The following SMAP1 variants were observed in gnomAD, a reference collection of about 807,000 sequenced individuals.
SMAP1 encodes stromal membrane-associated protein 1.
In SMAP1, 24 loss-of-function variants were observed where a neutral mutation model predicts 58.5. That is an observed-to-expected ratio of 0.41 (90% CI 0.30 to 0.58). SMAP1 has a LOEUF of 0.58. Among genes scored for constraint, SMAP1 ranks in the 20% least tolerant of loss-of-function variants. The pLI is 0.29. For synonymous variants in SMAP1, 216 were observed against 196.6 expected (o/e 1.10, Z -0.82); for missense variants, 563 against 566.3 (o/e 0.99, Z 0.06).
intron 2 of SMAP1, among the ~76,000 whole-genome samples, chr6:70,746,892 A>T (rs1010254704): frequency 6.6e-6 from 1 of 152,164 alleles, no homozygotes; most frequent in African/African-American, 2.4e-5. Flanking sequence ...ATTTAGGTAG[A>T]ACTGAGAGAG....
chr6:70,762,256 G>C (rs2149897956), intron 3 of SMAP1, among the ~76,000 whole-genome samples: 1 of 152,174 alleles, frequency 6.6e-6, no homozygotes, highest in Middle Eastern at 3.4e-3. Context: ...GCCTGTTTTT[G>C]TAAATAAGGT....
chr6:70,725,091 GTGTT>G (rs1562116513), intron 1 of SMAP1, among the ~76,000 whole-genome samples: 12 of 80,538 alleles, frequency 1.5e-4, no homozygotes, highest in Non-Finnish European at 2.7e-4. Flanking sequence ...AAATTAACCA[GTGTT>G]TTTTTTTTTT....
rs68188898 is a variant in SMAP1 at position 70,858,287 on chromosome 6, CTTTTTTTTTTTTT to C, written c.1269+74_1269+86del. On this transcript the variant is annotated intron_variant, in intron 10 of 10. Coordinates refer to ENST00000370455, the MANE Select transcript of SMAP1 (RefSeq NM_001044305.3). Reference sequence around the variant, plus strand: ...ATCAAACCAGATTTATTTTCTAAATCTTTTTTTTTTTTTTTTTTTTTTTTTTTTAAGTCTAGTG... The same window carrying C: ...ATCAAACCAGATTTATTTTCTAAATCTTTTTTTTTTTTTTTAAGTCTAGTG... 6.1e-4 allele frequency: 176 copies of C among 290,692 alleles called. 1 individual carries two copies. Among genetic ancestry groups the C allele is most frequent in the Middle Eastern group, 1.3e-3 (1 of 770 alleles). 18.0% of individuals were successfully genotyped at this position (290,692 alleles called of 1,614,324 possible). A position where few individuals can be genotyped will look rare whatever the true frequency, so the allele number is the denominator to read the frequency against.
chr6:70,720,937 C>T (rs1768497761), intron 1 of SMAP1, among the ~76,000 whole-genome samples: 1 of 152,054 alleles, frequency 6.6e-6, no homozygotes. Flanking sequence ...CCCATGGTCA[C>T]GGGGATTAAT....
chr6:70,742,513 A>G (rs1292186717), intron 2 of SMAP1, among the ~76,000 whole-genome samples: 1 of 152,204 alleles, frequency 6.6e-6, no homozygotes, highest in East Asian at 1.9e-4. Flanking sequence ...CCATATCATT[A>G]TCAGCATTTT....
intron 1 of SMAP1, among the ~76,000 whole-genome samples, chr6:70,688,746 C>T (rs1370935221): frequency 6.6e-6 from 1 of 152,200 alleles, no homozygotes; most frequent in African/African-American, 2.4e-5. Context: ...TTTACATCCT[C>T]TTCACATGGT....
chr6:70,767,106 A>G (rs1035723650), intron 3 of SMAP1, among the ~76,000 whole-genome samples: 1 of 152,084 alleles, frequency 6.6e-6, no homozygotes, highest in African/African-American at 2.4e-5. Context: ...ATTGATCTTT[A>G]TCTCTGTTTT....
At chr6:70,783,787 A>C (rs1408312352) in intron 4 of SMAP1, among the ~76,000 whole-genome samples, 1 of 152,226 alleles carries the variant, frequency 6.6e-6, no homozygotes, top group Non-Finnish European at 1.5e-5. Flanking sequence ...AGTCTCCAAG[A>C]AATATGGGAC....
At chr6:70,680,521 A>G (rs553369101) in intron 1 of SMAP1, among the ~76,000 whole-genome samples, 32 of 152,184 alleles carry the variant, frequency 2.1e-4, no homozygotes, top group Non-Finnish European at 4.0e-4. Context: ...CATAATAGCC[A>G]AACACTGGAA....
At chr6:70,831,484 G>A (rs1410055996) in intron 6 of SMAP1, among the ~76,000 whole-genome samples, 3 of 152,058 alleles carry the variant, frequency 2.0e-5, no homozygotes, top group Non-Finnish European at 4.4e-5. Context: ...TATTCTCAGT[G>A]TTTAGCTCCC....
At chr6:70,853,200 CTTTT>C (rs927473326) in intron 8 of SMAP1, among the ~76,000 whole-genome samples, 1 of 145,358 alleles carries the variant, frequency 6.9e-6, no homozygotes, top group African/African-American at 2.5e-5. Context: ...ATCTACCTTG[CTTTT>C]TTTTTTAAGT....
intron 4 of SMAP1, among the ~76,000 whole-genome samples, chr6:70,774,848 A>C (rs1299849119): frequency 6.6e-6 from 1 of 152,028 alleles, no homozygotes; most frequent in African/African-American, 2.4e-5. Context: ...CCCCGTCTCT[A>C]CTAAAAATAC....
chr6:70,831,215 A>G (rs1408134952), intron 6 of SMAP1, among the ~76,000 whole-genome samples: 1 of 152,098 alleles, frequency 6.6e-6, no homozygotes, highest in Non-Finnish European at 1.5e-5. Flanking sequence ...TAGGCATCCT[A>G]GCAGTGGTCA....
rs199670250 is a variant in SMAP1 at position 70,860,341 on chromosome 6, C to T, written c.*7C>T. On this transcript the variant is annotated 3_prime_UTR_variant, in exon 11 of 11. Coordinates refer to ENST00000370455, the MANE Select transcript of SMAP1 (RefSeq NM_001044305.3). Reference sequence around the variant, plus strand: ...CACACAACTGTGGAAATGAAAACTGCAATACAAGTTTCATCCAGAACTACC... The same window carrying T: ...CACACAACTGTGGAAATGAAAACTGTAATACAAGTTTCATCCAGAACTACC... The T allele has an allele frequency of 6.2e-7, 1 of 1,603,326 alleles. No homozygotes were observed. The highest frequency in any genetic ancestry group is 1.1e-5 in the South Asian group (1 of 88,746).
rs190177999 is a variant in SMAP1, at chr6:70,738,097, A to T, written c.252+5586A>T. On this transcript the variant is annotated intron_variant, in intron 2 of 10. Coordinates refer to ENST00000370455, the MANE Select transcript of SMAP1 (RefSeq NM_001044305.3). ...GTAAAGAGGCGGGACAACCACCTGG[A>T]ATCGTGTGGCTGGGATTTAAGCATT... Among the ~76,000 whole-genome samples the T allele has an allele frequency of 2.9e-4, 44 of 152,298 alleles. No individual in the cohort carries two copies. The East Asian group carries it at 7.5e-3, about 26-fold the overall frequency.
Position 70,860,761 on chromosome 6 carries a change from A to C in SMAP1, c.*427A>C, listed in dbSNP as rs1055787769. 1.3e-5 allele frequency: 5 copies of C among 399,774 alleles called. No individual in the cohort carries two copies. Among genetic ancestry groups the C allele is most frequent in the African/African-American group, 4.1e-5 (2 of 48,608 alleles). The allele number at this position is 399,774 out of a possible 1,614,324, so 24.8% of individuals were successfully genotyped here. On this transcript the variant is annotated 3_prime_UTR_variant, in exon 11 of 11. Transcript: ENST00000370455. Reference sequence around the variant, plus strand: ...TATGATCAAATGTTTAATCATATAAATAGAATGTAAATGTCTCACTGAGCA... The same window carrying C: ...TATGATCAAATGTTTAATCATATAACTAGAATGTAAATGTCTCACTGAGCA...
intron 6 of SMAP1, among the ~76,000 whole-genome samples, chr6:70,810,748 A>G (rs1021465525): frequency 6.6e-6 from 1 of 152,032 alleles, no homozygotes; most frequent in Non-Finnish European, 1.5e-5. Flanking sequence ...CTAATTTTTT[A>G]AAAAGTTTCT....
chr6:70,773,522 T>A, intron 4 of SMAP1, 97 bp downstream of exon 4: 1 of 656,980 alleles, frequency 1.5e-6, no homozygotes, highest in Non-Finnish European at 2.5e-6. Context: ...GAAAACATAC[T>A]AGTTGTATAT....
At chr6:70,830,822 G>T (rs1304703551) in intron 6 of SMAP1, among the ~76,000 whole-genome samples, 2 of 152,166 alleles carry the variant, frequency 1.3e-5, no homozygotes, top group African/African-American at 4.8e-5. Flanking sequence ...ATATTGTAAA[G>T]AAAGACAAAG....
Sources: allele counts gnomAD v4.1 joint callset (sites outside exome capture counted in the v4.1 genomes callset), GRCh38; gene constraint gnomAD v4.1.1; transcripts MANE v1.5; gene names NCBI Gene and HGNC (gene_info 2026-07-23, HGNC 2026-07-21).